PDCD6: variants seen among roughly 807,000 people sequenced by gnomAD.
PDCD6 encodes the protein programmed cell death 6, also known as programmed cell death protein 6.
In PDCD6, 12 loss-of-function variants were observed where a neutral mutation model predicts 28.3. That is an observed-to-expected ratio of 0.42 (90% CI 0.27 to 0.69). The LOEUF (loss-of-function observed/expected upper bound fraction) is 0.69. PDCD6 is among the 30% of genes least tolerant of loss of function. The probability of loss-of-function intolerance (pLI) is 0.22; values close to 1 mark genes in which losing one functional copy is unlikely to be tolerated. For synonymous variants in PDCD6, 92 were observed against 108.0 expected, an observed-to-expected ratio of 0.85 and a Z score of 0.92; for missense variants, 226 against 269.9, an observed-to-expected ratio of 0.84 and a Z score of 1.14.
chr5:280,943 G>A (rs1738525742), intron 2 of PDCD6, among the ~76,000 whole-genome samples: 2 of 152,252 alleles, frequency 1.3e-5, no homozygotes, highest in Non-Finnish European at 2.9e-5. Flanking sequence ...TTTAAGGAGG[G>A]GAGTAACAGT....
intron 2 of PDCD6, chr5:276,646 A>C (rs1225733958): frequency 1.0e-6 from 1 of 978,434 alleles, no homozygotes; most frequent in Non-Finnish European, 1.2e-6. Flanking sequence ...CTGTTTTGAT[A>C]GTAGAACTAA....
At chr5:301,758 C>G (rs967339493) in intron 2 of PDCD6, among the ~76,000 whole-genome samples, 5 of 151,102 alleles carry the variant, frequency 3.3e-5, no homozygotes, top group Non-Finnish European at 5.9e-5. Context: ...TGCATAACTG[C>G]TGGAGGGTGG....
At chr5:288,281 TA>T (rs1739100468) in intron 2 of PDCD6, among the ~76,000 whole-genome samples, 3 of 123,470 alleles carry the variant, frequency 2.4e-5, no homozygotes, top group African/African-American at 9.7e-5. Context: ...CCCCTTAAAA[TA>T]ATATATATAT....
intron 2 of PDCD6, among the ~76,000 whole-genome samples, chr5:280,827 G>A (rs1165470470): frequency 6.6e-6 from 1 of 151,816 alleles, no homozygotes; most frequent in Non-Finnish European, 1.5e-5. Flanking sequence ...TGGCATTTAA[G>A]AGGGGAGACC....
chr5:289,785 T>C lies in PDCD6; in HGVS notation c.164-14392T>C, dbSNP rs1172976777. ...TCATGGGGGCTGACAAAGAAACCTT[T>C]GGTCGATTACGTGGTCTGGGTGTCC... On this transcript the variant is annotated intron_variant, in intron 2 of 5. Transcript: ENST00000264933. 4 of 1,055,820 alleles carry C rather than the reference T, an allele frequency of 3.8e-6. No homozygotes were observed. In the Admixed American group the frequency reaches 5.1e-5, roughly 13 times the overall value. 65.4% of individuals were successfully genotyped at this position (1,055,820 alleles called of 1,614,324 possible).
At chr5:299,104 TC>T (rs1247465922) in intron 2 of PDCD6, among the ~76,000 whole-genome samples, 1 of 1,236 alleles carries the variant, frequency 8.1e-4, no homozygotes, top group Non-Finnish European at 1.2e-3. Context: ...CCCCAGCTGC[TC>T]CCCCCCAGCT....
intron 2 of PDCD6, among the ~76,000 whole-genome samples, chr5:296,851 C>G (rs1055553905): frequency 1.9e-4 from 29 of 150,494 alleles, no homozygotes; most frequent in African/African-American, 7.0e-4. Context: ...ATGTACATAG[C>G]AGCTTTTCAG....
intron 2 of PDCD6, among the ~76,000 whole-genome samples, chr5:279,512 C>A (rs551067077): frequency 6.6e-6 from 1 of 152,226 alleles, no homozygotes; most frequent in Admixed American, 6.5e-5. Flanking sequence ...CCAGCCACGC[C>A]ACGGGTGCAG....
At chr5:278,858 T>TGCTGGGGACACGGGAGGG (rs1370070550) in intron 2 of PDCD6, among the ~76,000 whole-genome samples, 4 of 72,728 alleles carry the variant, frequency 5.5e-5, no homozygotes, top group African/African-American at 2.2e-4. Flanking sequence ...CGGGGGAGGG[T>TGCTGGGGACACGGGAGGG]GCTGGGGACA....
intron 5 of PDCD6, among the ~76,000 whole-genome samples, chr5:314,201 C>T (rs1402372326): frequency 2.0e-5 from 3 of 152,212 alleles, no homozygotes; most frequent in Non-Finnish European, 4.4e-5. Context: ...GGCTGGATGT[C>T]CGGAGCCAGC....
chr5:274,117 A>G (rs953521379), intron 2 of PDCD6, among the ~76,000 whole-genome samples: 10 of 152,194 alleles, frequency 6.6e-5, no homozygotes, highest in African/African-American at 2.4e-4. Flanking sequence ...CACCTGTTAA[A>G]TATGGTCAGA....
rs569816484 is a variant in PDCD6 at position 277,821 on chromosome 5, G to A, written c.163+5049G>A. On this transcript the variant is annotated intron_variant, in intron 2 of 5. Coordinates refer to ENST00000264933, the MANE Select transcript of PDCD6 (RefSeq NM_013232.4). ...TCCCAGCTACTCGGGAGGCTGAGGC[G>A]TGAGAATCACTTGAACCTGGGAGGC... is the stretch of plus-strand genomic sequence containing the variant. Among the ~76,000 whole-genome samples, 45 of 150,776 alleles carry A rather than the reference G, an allele frequency of 3.0e-4. 1 individual carries two copies. In the South Asian group the frequency reaches 7.1e-3, roughly 24 times the overall value.
intron 2 of PDCD6, among the ~76,000 whole-genome samples, chr5:284,002 G>T (rs7356535): frequency 0.13 from 19,923 of 152,150 alleles, 1,386 homozygotes; most frequent in Admixed American, 0.17. Context: ...TAGTTTAAGG[G>T]TGTTGCAGCT....
intron 2 of PDCD6, among the ~76,000 whole-genome samples, chr5:294,941 A>G (rs1458211316): frequency 1.3e-5 from 2 of 152,106 alleles, no homozygotes; most frequent in East Asian, 3.9e-4. Context: ...AGGCCGAGGG[A>G]TGCCGCCACG....
chr5:300,073 G>T (rs544449736), intron 2 of PDCD6, among the ~76,000 whole-genome samples: 495 of 152,216 alleles, frequency 3.3e-3, no homozygotes, highest in Middle Eastern at 6.8e-3. Context: ...GTGGGAAGGG[G>T]TTAACTCAGC....
At chr5:283,442 G>A (rs1738718814) in intron 2 of PDCD6, among the ~76,000 whole-genome samples, 1 of 151,878 alleles carries the variant, frequency 6.6e-6, no homozygotes, top group African/African-American at 2.4e-5. Flanking sequence ...TGAGGATCTT[G>A]TAGCTGCAGA....
intron 2 of PDCD6, among the ~76,000 whole-genome samples, chr5:294,279 A>AAGAG (rs1739465450): frequency 7.1e-6 from 1 of 140,734 alleles, no homozygotes; most frequent in African/African-American, 3.1e-5. Context: ...TGGTCTAGAA[A>AAGAG]TAAACATTTG....
intron 4 of PDCD6, 22 bp downstream of exon 4, chr5:306,782 G>C (rs376591688): frequency 6.2e-7 from 1 of 1,603,452 alleles, no homozygotes; most frequent in Non-Finnish European, 8.5e-7. Context: ...ACTCTGGCTT[G>C]TGTAGCGTGT....
intron 2 of PDCD6, among the ~76,000 whole-genome samples, chr5:275,365 C>G (rs965203992): frequency 5.3e-5 from 8 of 152,238 alleles, no homozygotes; most frequent in Non-Finnish European, 5.9e-5. Flanking sequence ...CACACACCTG[C>G]TGCGGGGCAG....
Sources: gnomAD v4.1 joint callset for allele counts (sites outside exome capture counted in the v4.1 genomes callset) on GRCh38, gnomAD v4.1.1 for gene constraint, MANE v1.5 for transcripts, NCBI Gene and HGNC (gene_info 2026-07-23, HGNC 2026-07-21) for gene names.